Variants in NRG1 observed in about 807,000 individuals in gnomAD.
NRG1 encodes neuregulin 1, also known as pro-neuregulin-1, membrane-bound isoform.
NRG1 carries 18 observed loss-of-function variants against 63.8 expected under a neutral mutation model. The observed-to-expected ratio is 0.28, with a 90% CI of 0.19 to 0.42. The LOEUF (loss-of-function observed/expected upper bound fraction) is 0.42. Among genes scored for constraint, NRG1 ranks in the 10% least tolerant of loss-of-function variants. NRG1 has a pLI of 1.00. For missense variants in NRG1, 762 were observed against 814.7 expected (o/e 0.94, Z 0.79); for synonymous variants, 302 against 301.3 (o/e 1.00, Z -0.02).
intron 1 of NRG1, among the ~76,000 whole-genome samples, chr8:32,558,683 C>T (rs1835691205): frequency 6.6e-6 from 1 of 152,136 alleles, no homozygotes; most frequent in African/African-American, 2.4e-5. Flanking sequence ...CATAAAGTTA[C>T]TCTTGACCTT....
chr8:31,760,968 C>T (rs1817485810), intron 1 of NRG1, among the ~76,000 whole-genome samples: 3 of 152,120 alleles, frequency 2.0e-5, no homozygotes, highest in South Asian at 2.1e-4. Flanking sequence ...ACCCAAAGGA[C>T]TGTAAATCAT....
intron 1 of NRG1, among the ~76,000 whole-genome samples, chr8:32,505,107 G>T (rs887033855): frequency 1.3e-5 from 2 of 152,100 alleles, no homozygotes; most frequent in African/African-American, 4.8e-5. Flanking sequence ...GGGTTGCTGC[G>T]TATCATTGTT....
At chr8:32,502,069 AT>A (rs1216485659) in intron 1 of NRG1, among the ~76,000 whole-genome samples, 1 of 152,180 alleles carries the variant, frequency 6.6e-6, no homozygotes, top group African/African-American at 2.4e-5. Context: ...CTGTAAAGAA[AT>A]ACCTGAGATT....
intron 1 of NRG1, among the ~76,000 whole-genome samples, chr8:32,409,846 A>G (rs1168347978): frequency 6.6e-6 from 1 of 152,110 alleles, no homozygotes; most frequent in East Asian, 1.9e-4. Context: ...AGGTAATGAG[A>G]GCAAATTGGA....
At chr8:32,618,070 C>T (rs1847697195) in intron 5 of NRG1, among the ~76,000 whole-genome samples, 2 of 152,080 alleles carry the variant, frequency 1.3e-5, no homozygotes, top group South Asian at 4.2e-4. Context: ...GTTCCAAGGG[C>T]TCTCATCATA....
intron 1 of NRG1, among the ~76,000 whole-genome samples, chr8:32,388,632 A>G (rs967447179): frequency 4.8e-5 from 7 of 145,520 alleles, no homozygotes; most frequent in Non-Finnish European, 7.5e-5. Flanking sequence ...CAGCTCATCC[A>G]TTTGGTTACT....
intron 1 of NRG1, among the ~76,000 whole-genome samples, chr8:32,444,524 A>G (rs1452611735): frequency 6.6e-6 from 1 of 152,088 alleles, no homozygotes; most frequent in Non-Finnish European, 1.5e-5. Flanking sequence ...TTAATCACCT[A>G]TTTTTCTACT....
intron 1 of NRG1, among the ~76,000 whole-genome samples, chr8:32,424,333 T>C (rs966779732): frequency 2.0e-5 from 3 of 152,036 alleles, no homozygotes; most frequent in Non-Finnish European, 4.4e-5. Context: ...TAGAGCTAAG[T>C]TGCCTCAACA....
intron 5 of NRG1, among the ~76,000 whole-genome samples, chr8:32,718,798 A>G (rs1258104399): frequency 1.3e-5 from 2 of 152,178 alleles, no homozygotes; most frequent in African/African-American, 2.4e-5. Context: ...GACTCTTTTA[A>G]TATAGTTCCC....
At chr8:32,233,808 C>T (rs548798055) in intron 1 of NRG1, among the ~76,000 whole-genome samples, 1 of 151,638 alleles carries the variant, frequency 6.6e-6, no homozygotes, top group African/African-American at 2.4e-5. Context: ...CGTGATCCAC[C>T]CCCCCATCAG....
chr8:31,875,199 T>G (rs1277768155), intron 1 of NRG1, among the ~76,000 whole-genome samples: 1 of 152,120 alleles, frequency 6.6e-6, no homozygotes, highest in Non-Finnish European at 1.5e-5. Flanking sequence ...ATTCCTTCAG[T>G]GAAGGAAATT....
chr8:31,807,200 T>C (rs770428776), intron 1 of NRG1, among the ~76,000 whole-genome samples: 20 of 152,202 alleles, frequency 1.3e-4, no homozygotes, highest in Non-Finnish European at 2.4e-4. Context: ...GCAAAAGCAT[T>C]TGCATTTATC....
intron 1 of NRG1, among the ~76,000 whole-genome samples, chr8:31,650,651 T>C (rs1240088373): frequency 6.6e-6 from 1 of 152,210 alleles, no homozygotes; most frequent in Non-Finnish European, 1.5e-5. Context: ...CTTTCCTGTG[T>C]ACCTTACACA....
chr8:31,789,628 G>C (rs1270865060), intron 1 of NRG1, among the ~76,000 whole-genome samples: 1 of 152,174 alleles, frequency 6.6e-6, no homozygotes, highest in Non-Finnish European at 1.5e-5. Context: ...AGTTGTGCAA[G>C]TTTGTAACTT....
intron 1 of NRG1, among the ~76,000 whole-genome samples, chr8:32,415,438 C>T (rs1289052741): frequency 1.0e-4 from 15 of 147,680 alleles, no homozygotes; most frequent in African/African-American, 2.5e-4. Flanking sequence ...AAAAAAAATG[C>T]GGCAATCACA....
chr8:32,698,282 C>A (rs1467429236), intron 5 of NRG1, among the ~76,000 whole-genome samples: 1 of 151,852 alleles, frequency 6.6e-6, no homozygotes, highest in Non-Finnish European at 1.5e-5. Context: ...GAGAGAATTG[C>A]CTCTTTTCTG....
At chr8:31,660,697 T>C (rs774605940) in intron 1 of NRG1, among the ~76,000 whole-genome samples, 1 of 152,198 alleles carries the variant, frequency 6.6e-6, no homozygotes, top group Non-Finnish European at 1.5e-5. Flanking sequence ...AACATATGTA[T>C]TGACACTTTT....
chr8:31,817,778 C>T (rs539703195), intron 1 of NRG1, among the ~76,000 whole-genome samples: 31 of 152,280 alleles, frequency 2.0e-4, no homozygotes, highest in Non-Finnish European at 3.8e-4. Context: ...GGAAATGTGA[C>T]ATGTTTTAGA....
intron 1 of NRG1, among the ~76,000 whole-genome samples, chr8:32,483,421 C>T (rs1480337434): frequency 5.3e-5 from 8 of 152,186 alleles, no homozygotes; most frequent in Admixed American, 4.6e-4. Context: ...ACCTCTACTC[C>T]ATCTCCGGCT....
Sources: gnomAD v4.1 joint callset for allele counts (sites outside exome capture counted in the v4.1 genomes callset) on GRCh38, gnomAD v4.1.1 for gene constraint, MANE v1.5 for transcripts, NCBI Gene and HGNC (gene_info 2026-07-23, HGNC 2026-07-21) for gene names.